Variants in CLINT1 observed in about 807,000 individuals in gnomAD.
The protein encoded by CLINT1 is clathrin interacting protein localized in the trans-Golgi region.
In CLINT1, 15 loss-of-function variants were observed where a neutral mutation model predicts 70.4. That is an observed-to-expected ratio of 0.21 (90% CI 0.14 to 0.33). The LOEUF (loss-of-function observed/expected upper bound fraction) is 0.33, where lower values mean the gene tolerates loss of function less well. CLINT1 is among the 10% of genes least tolerant of loss of function. The probability of loss-of-function intolerance (pLI) is 1.00; values close to 1 mark genes in which losing one functional copy is unlikely to be tolerated. For synonymous variants in CLINT1, 227 were observed against 254.7 expected (o/e 0.89, Z 1.04); for missense variants, 615 against 778.1 (o/e 0.79, Z 2.49).
In CLINT1 at chr5:157,787,886, C is replaced by T; in HGVS notation, c.1638G>A (p.Gly546=). Residue 546 remains glycine, a synonymous_variant, in exon 12 of 12, where the codon GGG becomes GGA. Transcript: ENST00000411809. ...PVRPQTNALI[G]GPMPMSMPNV... Reference sequence around the variant, plus strand: ...TGGGCATGCTCATAGGCATGGGTCCCCCTATCAAAGCATTAGTTTGGGGCC... The same window carrying T: ...TGGGCATGCTCATAGGCATGGGTCCTCCTATCAAAGCATTAGTTTGGGGCC... 6.2e-7 allele frequency: 1 copy of T among 1,613,792 alleles called. No homozygotes were observed. The highest frequency in any genetic ancestry group is 8.5e-7 in the Non-Finnish European group (1 of 1,179,802).
chr5:157,803,419 G>A (rs1762286245), intron 8 of CLINT1, among the ~76,000 whole-genome samples: 1 of 152,178 alleles, frequency 6.6e-6, no homozygotes, highest in Non-Finnish European at 1.5e-5. Flanking sequence ...AGTTTTGCTA[G>A]TCTGAGGGTG....
At chr5:157,836,884 A>G (rs918062126) in intron 1 of CLINT1, among the ~76,000 whole-genome samples, 1 of 152,174 alleles carries the variant, frequency 6.6e-6, no homozygotes, top group Non-Finnish European at 1.5e-5. Context: ...CAGAATGTAT[A>G]ATTATTTTGT....
chr5:157,858,812 A>C, intron 1 of CLINT1, 118 bp downstream of exon 1: 6 of 1,091,066 alleles, frequency 5.5e-6, no homozygotes, highest in Non-Finnish European at 7.9e-6. Context: ...CGCCGCCATG[A>C]TGGGGCTGGC....
intron 5 of CLINT1, 72 bp downstream of exon 5, chr5:157,812,990 AT>A (rs1259918337): frequency 6.2e-6 from 9 of 1,461,508 alleles, no homozygotes; most frequent in Non-Finnish European, 2.8e-6. Context: ...GGTCTTTGGT[AT>A]TTCACTGATT....
intron 6 of CLINT1, among the ~76,000 whole-genome samples, chr5:157,806,325 A>AT (rs1762383175): frequency 6.6e-6 from 1 of 152,234 alleles, no homozygotes; most frequent in African/African-American, 2.4e-5. Flanking sequence ...AATATCCTAT[A>AT]TAAGTCTAAA....
chr5:157,844,830 A>G (rs1421782801), intron 1 of CLINT1, among the ~76,000 whole-genome samples: 2 of 152,240 alleles, frequency 1.3e-5, no homozygotes, highest in Non-Finnish European at 2.9e-5. Flanking sequence ...ACAGCTCAAC[A>G]AATGTAAAAA....
At chr5:157,836,183 T>C (rs1763415924) in intron 1 of CLINT1, among the ~76,000 whole-genome samples, 2 of 152,232 alleles carry the variant, frequency 1.3e-5, no homozygotes, top group African/African-American at 4.8e-5. Flanking sequence ...TATTGGTTTT[T>C]AATACACATA....
intron 8 of CLINT1, among the ~76,000 whole-genome samples, chr5:157,802,712 A>AT (rs1306076732): frequency 6.6e-6 from 1 of 151,788 alleles, no homozygotes; most frequent in Non-Finnish European, 1.5e-5. Flanking sequence ...TACCCGGCTA[A>AT]TTTTTGTATT....
chr5:157,789,773 A>G (rs374138185), intron 10 of CLINT1: 13 of 558,376 alleles, frequency 2.3e-5, no homozygotes, highest in Non-Finnish European at 3.8e-5. Flanking sequence ...CCAACAACTT[A>G]CCTACACTAA....
At chr5:157,853,832 T>C (rs1472424239) in intron 1 of CLINT1, among the ~76,000 whole-genome samples, 1 of 131,324 alleles carries the variant, frequency 7.6e-6, no homozygotes, top group Non-Finnish European at 1.7e-5. Context: ...AATACTAAAG[T>C]GTGCAAGAAA....
chr5:157,835,218 CAGGAAGATTGTGAT>C (rs1412998201), intron 1 of CLINT1, among the ~76,000 whole-genome samples: 1 of 152,120 alleles, frequency 6.6e-6, no homozygotes, highest in Admixed American at 6.6e-5. Context: ...CTCCTAAACA[CAGGAAGATTGTGAT>C]ATGCCTTACA....
chr5:157,831,998 T>C (rs931186332), intron 1 of CLINT1, among the ~76,000 whole-genome samples: 3 of 150,538 alleles, frequency 2.0e-5, no homozygotes, highest in Non-Finnish European at 4.4e-5. Flanking sequence ...GCCAGGCCAC[T>C]GTTTTTTAAG....
At chr5:157,829,822 C>T (rs1267767138) in intron 1 of CLINT1, among the ~76,000 whole-genome samples, 15 of 150,934 alleles carry the variant, frequency 9.9e-5, no homozygotes, top group African/African-American at 2.9e-4. Context: ...GGACTACAGG[C>T]GTGAGCCACT....
chr5:157,856,588 GCA>G (rs1450104451), intron 1 of CLINT1, among the ~76,000 whole-genome samples: 4 of 152,152 alleles, frequency 2.6e-5, no homozygotes, highest in African/African-American at 9.7e-5. Context: ...ATTATAAGGT[GCA>G]CAGTCTAACA....
chr5:157,857,238 A>T (rs1044243837), intron 1 of CLINT1, among the ~76,000 whole-genome samples: 5 of 152,116 alleles, frequency 3.3e-5, no homozygotes, highest in African/African-American at 1.2e-4. Context: ...AAAAAAAAAA[A>T]AAAAGGTAGC....
intron 3 of CLINT1, among the ~76,000 whole-genome samples, chr5:157,815,554 C>T (rs1195849593): frequency 6.6e-6 from 1 of 151,652 alleles, no homozygotes. Context: ...GAGGGGGTGG[C>T]AAAAACAAAA....
At chr5:157,835,914 A>G (rs1763406113) in intron 1 of CLINT1, among the ~76,000 whole-genome samples, 1 of 152,228 alleles carries the variant, frequency 6.6e-6, no homozygotes, top group African/African-American at 2.4e-5. Flanking sequence ...ATACTTCAAA[A>G]ACATGAAAAC....
chr5:157,846,101 T>C (rs2041938404), intron 1 of CLINT1, among the ~76,000 whole-genome samples: 1 of 152,184 alleles, frequency 6.6e-6, no homozygotes, highest in Non-Finnish European at 1.5e-5. Context: ...TTAATAACCC[T>C]ACAATGACCT....
At position 157,787,616 on chromosome 5, in the gene CLINT1, CTTCA is replaced by C. The variant is rs1385162504; in HGVS notation, c.*26_*29del. 1 of 1,587,602 alleles carries C rather than the reference CTTCA, an allele frequency of 6.3e-7. No individual in the cohort carries two copies. Among genetic ancestry groups the C allele is most frequent in the East Asian group, 2.2e-5 (1 of 44,700 alleles). On this transcript the variant is annotated 3_prime_UTR_variant, in exon 12 of 12. Coordinates refer to ENST00000411809, the MANE Select transcript of CLINT1 (RefSeq NM_014666.4). ...TCACCTATCTGCACAGCTAAAAATTCTTCATTCAATCTGCTTCTTTTACAATCTC... is the reference window on the plus strand; with the variant it reads ...TCACCTATCTGCACAGCTAAAAATTCTTCAATCTGCTTCTTTTACAATCTC...
Sources: allele counts gnomAD v4.1 joint callset (sites outside exome capture counted in the v4.1 genomes callset), GRCh38; gene constraint gnomAD v4.1.1; transcripts MANE v1.5; gene names NCBI Gene and HGNC (gene_info 2026-07-23, HGNC 2026-07-21).